The following DCC variants were observed in gnomAD, a reference collection of about 807,000 sequenced individuals.
The protein encoded by DCC is netrin receptor DCC.
A neutral mutation model predicts 172.5 loss-of-function variants in DCC; 58 were observed. The ratio of observed to expected loss-of-function variants is 0.34; its 90% CI spans 0.27 to 0.42. The LOEUF (loss-of-function observed/expected upper bound fraction) is 0.42, where lower values mean the gene tolerates loss of function less well. Among genes scored for constraint, DCC ranks in the 10% least tolerant of loss-of-function variants. The pLI is 1.00. For missense variants in DCC, 1,740 were observed against 1,791.0 expected (o/e 0.97, Z 0.51); for synonymous variants, 709 against 644.5 (o/e 1.10, Z -1.52).
At chr18:52,802,004 C>CTT (rs58379877) in intron 2 of DCC, among the ~76,000 whole-genome samples, 13 of 144,224 alleles carry the variant, frequency 9.0e-5, no homozygotes, top group African/African-American at 3.0e-4. Flanking sequence ...TTATTCTATT[C>CTT]TTTTTTTTTT....
chr18:53,102,547 G>T (rs1388533896), intron 7 of DCC, among the ~76,000 whole-genome samples: 1 of 152,058 alleles, frequency 6.6e-6, no homozygotes, highest in Non-Finnish European at 1.5e-5. Context: ...AAGCTGTATT[G>T]ATGTGGGTGA....
intron 1 of DCC, among the ~76,000 whole-genome samples, chr18:52,740,764 T>G (rs1169721801): frequency 2.0e-5 from 3 of 152,198 alleles, no homozygotes; most frequent in Non-Finnish European, 2.9e-5. Flanking sequence ...TGAGGTAGGT[T>G]CTTGGTCTCT....
At chr18:52,463,508 T>C (rs1988694324) in intron 1 of DCC, among the ~76,000 whole-genome samples, 1 of 152,216 alleles carries the variant, frequency 6.6e-6, no homozygotes, top group Non-Finnish European at 1.5e-5. Flanking sequence ...TATATTCAAA[T>C]GCTATTCCTA....
chr18:52,641,020 A>G (rs2034880294), intron 1 of DCC, among the ~76,000 whole-genome samples: 1 of 152,230 alleles, frequency 6.6e-6, no homozygotes, highest in South Asian at 2.1e-4. Flanking sequence ...AAATAGGCAC[A>G]TAGACCAATG....
intron 1 of DCC, among the ~76,000 whole-genome samples, chr18:52,578,320 A>G (rs566637938): frequency 6.6e-6 from 1 of 152,216 alleles, no homozygotes; most frequent in Non-Finnish European, 1.5e-5. Context: ...ATTCAATTTT[A>G]GTTCTTACCA....
intron 7 of DCC, among the ~76,000 whole-genome samples, chr18:53,091,660 C>T (rs1036807174): frequency 4.0e-5 from 6 of 151,582 alleles, no homozygotes; most frequent in African/African-American, 1.2e-4. Context: ...TATAAGAGCA[C>T]AAATTCTATT....
chr18:53,322,169 T>G lies in DCC; in HGVS notation c.2164+12T>G. The G allele has an allele frequency of 1.6e-6, 2 of 1,270,580 alleles. No homozygotes were observed. Among genetic ancestry groups the G allele is most frequent in the Non-Finnish European group, 2.3e-6 (2 of 865,902 alleles). The allele number at this position is 1,270,580 out of a possible 1,614,324, so 78.7% of individuals were successfully genotyped here. ...GAATGATCTAGATGGTAAGACTTTTTCCCAGTTACTATCACTCTGATTATC... is the reference window on the plus strand; with the variant it reads ...GAATGATCTAGATGGTAAGACTTTTGCCCAGTTACTATCACTCTGATTATC... On this transcript the variant is annotated intron_variant, in intron 14 of 28. Transcript: ENST00000442544.
chr18:53,206,842 C>T (rs2055658101), intron 10 of DCC, among the ~76,000 whole-genome samples: 1 of 151,270 alleles, frequency 6.6e-6, no homozygotes, highest in Non-Finnish European at 1.5e-5. Context: ...GGCCTTCCTG[C>T]TTTCACATAA....
intron 7 of DCC, among the ~76,000 whole-genome samples, chr18:53,118,821 G>T (rs1470130734): frequency 6.6e-6 from 1 of 151,654 alleles, no homozygotes; most frequent in Non-Finnish European, 1.5e-5. Context: ...TCCAAAGCCT[G>T]TCGGGAGGCA....
At chr18:52,714,567 G>A (rs928128666) in intron 1 of DCC, among the ~76,000 whole-genome samples, 9 of 152,166 alleles carry the variant, frequency 5.9e-5, no homozygotes, top group Middle Eastern at 3.2e-3. Flanking sequence ...ATTATCTGAA[G>A]GATGAGTGAG....
intron 1 of DCC, among the ~76,000 whole-genome samples, chr18:52,462,277 G>C (rs532673081): frequency 1.3e-5 from 2 of 152,058 alleles, no homozygotes; most frequent in Non-Finnish European, 2.9e-5. Context: ...ATTTACACGA[G>C]GTCCCAGCAT....
intron 1 of DCC, among the ~76,000 whole-genome samples, chr18:52,625,311 T>C (rs1396811629): frequency 6.6e-6 from 1 of 152,162 alleles, no homozygotes; most frequent in Non-Finnish European, 1.5e-5. Flanking sequence ...ATTCTCTAAA[T>C]TGTTAGGCTG....
intron 1 of DCC, among the ~76,000 whole-genome samples, chr18:52,717,352 A>G (rs2036398921): frequency 6.6e-6 from 1 of 151,698 alleles, no homozygotes; most frequent in Admixed American, 6.6e-5. Flanking sequence ...CTTATCATTC[A>G]TTTAACAGGC....
rs142525823 is a variant in DCC, at chr18:52,454,550, A to G, written c.91+113672A>G. On this transcript the variant is annotated intron_variant, in intron 1 of 28. Coordinates refer to ENST00000442544, the MANE Select transcript of DCC (RefSeq NM_005215.4). ...ACATTATTAAATTAATTCCACTCCT[A>G]TTGACCGTGGTCACTAAACAGTTCA... Among the ~76,000 whole-genome samples, 1,306 of 152,110 alleles carry G rather than the reference A, an allele frequency of 8.6e-3. 11 individuals are homozygous for G. Among genetic ancestry groups the G allele is most frequent in the Admixed American group, 0.011 (172 of 15,276 alleles).
intron 1 of DCC, among the ~76,000 whole-genome samples, chr18:52,620,008 A>C (rs751339781): frequency 9.2e-5 from 14 of 152,214 alleles, no homozygotes; most frequent in Non-Finnish European, 1.6e-4. Context: ...TACCCACTAG[A>C]CTTGAAGAAG....
intron 2 of DCC, among the ~76,000 whole-genome samples, chr18:52,873,719 G>A (rs560799668): frequency 2.4e-4 from 37 of 152,230 alleles, no homozygotes; most frequent in Admixed American, 8.5e-4. Context: ...TATGACAATC[G>A]AAGTAACACA....
At chr18:53,372,400 T>C (rs1197064427) in intron 15 of DCC, among the ~76,000 whole-genome samples, 3 of 152,124 alleles carry the variant, frequency 2.0e-5, no homozygotes, top group Admixed American at 2.0e-4. Flanking sequence ...AAGTGTTTGC[T>C]AAACAGTAAG....
intron 1 of DCC, among the ~76,000 whole-genome samples, chr18:52,503,386 C>CA (rs1259901425): frequency 6.6e-6 from 1 of 152,110 alleles, no homozygotes; most frequent in African/African-American, 2.4e-5. Context: ...AAAAGAAGCC[C>CA]AAGCAAAGTA....
chr18:52,898,257 A>G (rs936026206), intron 2 of DCC, among the ~76,000 whole-genome samples: 1 of 152,210 alleles, frequency 6.6e-6, no homozygotes, highest in Admixed American at 6.5e-5. Flanking sequence ...TAATAATTAG[A>G]CCTTCCACAG....
Sources: allele counts gnomAD v4.1 joint callset (sites outside exome capture counted in the v4.1 genomes callset), GRCh38; gene constraint gnomAD v4.1.1; transcripts MANE v1.5; gene names NCBI Gene and HGNC (gene_info 2026-07-23, HGNC 2026-07-21).